The following JAK2 variants were observed in gnomAD, a reference collection of about 807,000 sequenced individuals.
JAK2 encodes the protein Janus kinase 2, also known as tyrosine-protein kinase JAK2.
Under a neutral mutation model 139.3 loss-of-function variants are expected in JAK2, and 86 were observed. The observed-to-expected ratio is 0.62, with a 90% CI of 0.52 to 0.74. The LOEUF (loss-of-function observed/expected upper bound fraction) is 0.74. Ranked by LOEUF, JAK2 falls within the 30% of genes least tolerant of loss-of-function variation. The pLI is 0.00. For synonymous variants in JAK2, 490 were observed against 437.7 expected (o/e 1.12, Z -1.49); for missense variants, 1,421 against 1,360.3 (o/e 1.04, Z -0.70).
chr9:4,998,893 C>T (rs748299116), intron 2 of JAK2, among the ~76,000 whole-genome samples: 3 of 152,018 alleles, frequency 2.0e-5, no homozygotes, highest in Non-Finnish European at 4.4e-5. Context: ...TGCAGTGGTG[C>T]GATCTGCAAG....
intron 9 of JAK2, among the ~76,000 whole-genome samples, chr9:5,066,328 A>G (rs1373514472): frequency 6.6e-6 from 1 of 152,130 alleles, no homozygotes. Context: ...TTTCTGATAT[A>G]TAATCTTTAT....
rs774539976 is a variant in JAK2, at chr9:5,123,107, A to G, written c.3163A>G (p.Lys1055Glu). 1.9e-6 allele frequency: 3 copies of G among 1,598,224 alleles called. No homozygotes were observed. The highest frequency in any genetic ancestry group is 2.6e-6 in the Non-Finnish European group (3 of 1,170,016). The stretch of plus-strand genomic sequence containing the variant: ...ACTTTTCACATACATTGAGAAGAGT[A>G]AAAGTCCACCAGCGGTCAGTGTGCT... The part of the protein sequence containing the change: ...YELFTYIEKS[K>E]SPPAEFMRMI... Residue 1055 changes from lysine to glutamate, a missense_variant, in exon 23 of 25, where the codon AAA becomes GAA. Coordinates refer to ENST00000381652, the MANE Select transcript of JAK2 (RefSeq NM_004972.4).
chr9:5,039,876 T>C (rs939861494), intron 4 of JAK2, among the ~76,000 whole-genome samples: 4 of 152,186 alleles, frequency 2.6e-5, no homozygotes, highest in Non-Finnish European at 5.9e-5. Context: ...ATTTTTAAGA[T>C]GGCAATACTC....
chr9:4,990,017 T>C (rs1419195772), intron 2 of JAK2, among the ~76,000 whole-genome samples: 1 of 152,102 alleles, frequency 6.6e-6, no homozygotes, highest in African/African-American at 2.4e-5. Flanking sequence ...CTCATATGAA[T>C]TGGAAAGAGA....
intron 22 of JAK2, among the ~76,000 whole-genome samples, chr9:5,121,261 A>G (rs781544623): frequency 3.9e-5 from 6 of 152,200 alleles, no homozygotes; most frequent in Non-Finnish European, 7.4e-5. Context: ...AGAGATTTGC[A>G]AAGACAGAAG....
At chr9:5,079,674 T>G (rs1174643637) in intron 16 of JAK2, among the ~76,000 whole-genome samples, 2 of 152,076 alleles carry the variant, frequency 1.3e-5, no homozygotes, top group Non-Finnish European at 2.9e-5. Context: ...GTGCAGTGGC[T>G]CATGCCTGTA....
chr9:5,051,541 T>G (rs1396755269), intron 6 of JAK2, among the ~76,000 whole-genome samples: 1 of 152,190 alleles, frequency 6.6e-6, no homozygotes, highest in Non-Finnish European at 1.5e-5. Flanking sequence ...CTCTAGGGTA[T>G]TCTTATACAA....
chr9:5,112,266 C>T (rs1337518914), intron 22 of JAK2: 3 of 255,362 alleles, frequency 1.2e-5, no homozygotes, highest in East Asian at 1.2e-4. Flanking sequence ...GACGGCCCTG[C>T]GGGCAGCGCC....
chr9:5,051,045 C>G (rs1817382122), intron 6 of JAK2, among the ~76,000 whole-genome samples: 1 of 152,078 alleles, frequency 6.6e-6, no homozygotes, highest in Non-Finnish European at 1.5e-5. Flanking sequence ...ACCCCTAATC[C>G]AAAATGCTCT....
intron 22 of JAK2, chr9:5,100,118 C>T (rs1821353045): frequency 6.6e-6 from 1 of 152,226 alleles, no homozygotes; most frequent in Non-Finnish European, 1.5e-5. Context: ...AGTTTTCCCA[C>T]AGCTTCAGTT....
At position 5,081,478 on chromosome 9, in the gene JAK2, T is replaced by G. The variant is rs565239346; in HGVS notation, c.2435-247T>G. On this transcript the variant is annotated intron_variant, in intron 18 of 24. Coordinates refer to ENST00000381652, the MANE Select transcript of JAK2 (RefSeq NM_004972.4). The stretch of plus-strand genomic sequence containing the variant: ...ATAAGTATCAGTATATTACCTTACT[T>G]TATGAATACTAAAACTTCTTATTTT... Among the ~76,000 whole-genome samples the G allele has an allele frequency of 3.9e-5, 6 of 152,306 alleles. No homozygotes were observed. In the East Asian group the frequency reaches 1.2e-3, roughly 29 times the overall value.
chr9:5,114,259 T>C, intron 22 of JAK2: 3 of 542,102 alleles, frequency 5.5e-6, no homozygotes, highest in South Asian at 4.8e-5. Flanking sequence ...ACCTGTCTGG[T>C]GGTGGACCTG....
chr9:4,988,143 A>G (rs142686121), intron 2 of JAK2, among the ~76,000 whole-genome samples: 15 of 152,020 alleles, frequency 9.9e-5, no homozygotes, highest in African/African-American at 3.1e-4. Context: ...CTCTTCTCCC[A>G]TTACATTTCC....
At chr9:5,110,839 G>C in intron 22 of JAK2, 1 of 462,948 alleles carries the variant, frequency 2.2e-6, no homozygotes. Context: ...GTTCGGGGAA[G>C]GTGGGGGGGA....
At chr9:5,062,500 TAAAA>T (rs58424625) in intron 8 of JAK2, among the ~76,000 whole-genome samples, 190 of 58,200 alleles carry the variant, frequency 3.3e-3, no homozygotes, top group African/African-American at 0.019. Flanking sequence ...CTTCCATTTG[TAAAA>T]AAAAAAAAAA....
intron 22 of JAK2, among the ~76,000 whole-genome samples, chr9:5,115,312 GCTC>G (rs1158735674): frequency 6.6e-6 from 1 of 152,154 alleles, no homozygotes; most frequent in African/African-American, 2.4e-5. Flanking sequence ...ATGAAAAAAA[GCTC>G]ATCATCACTG....
At chr9:5,091,719 A>C (rs1820588682) in intron 22 of JAK2, 1 of 152,204 alleles carries the variant, frequency 6.6e-6, no homozygotes, top group East Asian at 1.9e-4. Flanking sequence ...AACTGGGTCT[A>C]GTAGAAGTGA....
intron 2 of JAK2, among the ~76,000 whole-genome samples, chr9:5,017,756 C>G (rs1452354333): frequency 6.6e-6 from 1 of 152,122 alleles, no homozygotes; most frequent in Non-Finnish European, 1.5e-5. Flanking sequence ...TGCAGATGAA[C>G]TTCAAAAATC....
rs9284048 is a variant in JAK2, at chr9:5,032,219, C to G, written c.350+2313C>G. 1.9e-3 allele frequency among the ~76,000 whole-genome samples: 287 copies of G among 152,300 alleles called. 1 individual carries two copies. The highest frequency in any genetic ancestry group is 6.6e-3 in the African/African-American group (273 of 41,562). On this transcript the variant is annotated intron_variant, in intron 4 of 24. Transcript: ENST00000381652. ...CTGGGGGAGGGGCGCCCGCCATTGC[C>G]GAGGGTTGAGTAGGTAAACAAAGCA...
Sources: allele counts gnomAD v4.1 joint callset (sites outside exome capture counted in the v4.1 genomes callset), GRCh38; gene constraint gnomAD v4.1.1; transcripts MANE v1.5; gene names NCBI Gene and HGNC (gene_info 2026-07-23, HGNC 2026-07-21).